Variants in CDH7 observed in about 807,000 individuals in gnomAD.
The protein encoded by CDH7 is cadherin-7.
CDH7 carries 25 observed loss-of-function variants against 71.8 expected under a neutral mutation model. The ratio of observed to expected loss-of-function variants is 0.35; its 90% CI spans 0.25 to 0.49. The LOEUF (loss-of-function observed/expected upper bound fraction) is 0.49, where lower values mean the gene tolerates loss of function less well. CDH7 is among the 20% of genes least tolerant of loss of function. The probability of loss-of-function intolerance (pLI) is 0.99; values close to 1 mark genes in which losing one functional copy is unlikely to be tolerated. For missense variants in CDH7, 862 were observed against 974.6 expected (o/e 0.88, Z 1.54); for synonymous variants, 381 against 363.8 (o/e 1.05, Z -0.54).
At chr18:65,829,779 T>TGTGTGG (rs1912271814) in intron 6 of CDH7, among the ~76,000 whole-genome samples, 1 of 124,778 alleles carries the variant, frequency 8.0e-6, no homozygotes, top group Non-Finnish European at 1.8e-5. Context: ...GAAGGGAGTG[T>TGTGTGG]GTGTGTGTGT....
chr18:65,802,135 T>A (rs1911145481), intron 2 of CDH7, among the ~76,000 whole-genome samples: 1 of 152,202 alleles, frequency 6.6e-6, no homozygotes, highest in South Asian at 2.1e-4. Flanking sequence ...AGAGTTTTCA[T>A]GTAGGGTTTT....
At chr18:65,855,019 G>A (rs1913302340) in intron 7 of CDH7, among the ~76,000 whole-genome samples, 1 of 151,322 alleles carries the variant, frequency 6.6e-6, no homozygotes, top group Non-Finnish European at 1.5e-5. Flanking sequence ...TGTATCTCAC[G>A]GTAAATGCAG....
intron 11 of CDH7, among the ~76,000 whole-genome samples, chr18:65,871,904 T>C (rs979480276): frequency 2.3e-4 from 35 of 152,160 alleles, no homozygotes; most frequent in African/African-American, 8.4e-4. Context: ...GAGATTTAGA[T>C]GTCAGAGACA....
chr18:65,806,063 A>G (rs1039092458), intron 2 of CDH7, among the ~76,000 whole-genome samples: 3 of 152,208 alleles, frequency 2.0e-5, no homozygotes, highest in African/African-American at 7.2e-5. Context: ...ATGGAACATT[A>G]ATAGATTATT....
Position 65,882,331 on chromosome 18 carries a change from T to G in CDH7, c.*1437T>G, listed in dbSNP as rs1012012718. On this transcript the variant is annotated 3_prime_UTR_variant, in exon 12 of 12. Coordinates refer to ENST00000397968, the MANE Select transcript of CDH7 (RefSeq NM_004361.5). ...CCTATTATTTTTCCTAGATTAATACTAGTTTAATGTGCATATACATTCAAG... is the reference window on the plus strand; with the variant it reads ...CCTATTATTTTTCCTAGATTAATACGAGTTTAATGTGCATATACATTCAAG... The G allele has an allele frequency of 2.6e-5, 4 of 152,138 alleles. No individual in the cohort carries two copies. The highest frequency in any genetic ancestry group is 7.2e-5 in the African/African-American group (3 of 41,454). 9.4% of individuals were successfully genotyped at this position (152,138 alleles called of 1,614,324 possible).
intron 11 of CDH7, among the ~76,000 whole-genome samples, chr18:65,868,858 G>T (rs1913843177): frequency 1.3e-5 from 2 of 151,978 alleles, no homozygotes; most frequent in South Asian, 4.1e-4. Context: ...TACTTGTTTT[G>T]GGAAAAGAAA....
chr18:65,867,888 C>G (rs1913813108), intron 11 of CDH7, among the ~76,000 whole-genome samples: 1 of 152,212 alleles, frequency 6.6e-6, no homozygotes, highest in African/African-American at 2.4e-5. Context: ...TCCAGTATGT[C>G]TATGATGGTC....
At chr18:65,836,783 T>C (rs1912546732) in intron 6 of CDH7, among the ~76,000 whole-genome samples, 1 of 152,328 alleles carries the variant, frequency 6.6e-6, no homozygotes, top group East Asian at 1.9e-4. Flanking sequence ...ACACTTATTT[T>C]ACTGTTTTTC....
chr18:65,842,582 T>C (rs1912774078), intron 6 of CDH7, among the ~76,000 whole-genome samples: 1 of 151,884 alleles, frequency 6.6e-6, no homozygotes. Context: ...GTATGGGATA[T>C]ATTATATACA....
Position 65,858,925 on chromosome 18 carries a change from A to G in CDH7, c.1373A>G (p.Gln458Arg). ...GATAAGACACTGTCTTATTTATTAGAGAATCCATCTCAAGTAGGAAGAGGC... is the reference window on the plus strand; with the variant it reads ...GATAAGACACTGTCTTATTTATTAGGGAATCCATCTCAAGTAGGAAGAGGC... ...HNITVLAMES[Q>R]NPSQVGRGYV... is the part of the protein sequence containing the mutation. The change falls in exon 9 of 12, where the codon CAG (glutamine) becomes CGG (arginine). Residue 458 changes from glutamine (Q) to arginine (R), a missense_variant and splice_region_variant. By Grantham distance (43) the Gln-to-Arg change is conservative. Transcript: ENST00000397968. The G allele has an allele frequency of 6.2e-7, 1 of 1,611,556 alleles. No homozygotes were observed. Among genetic ancestry groups the G allele is most frequent in the Non-Finnish European group, 8.5e-7 (1 of 1,177,866 alleles).
In CDH7 at chr18:65,809,829, T is replaced by A. The variant is rs1911460997; in HGVS notation, c.336T>A (p.Arg112=). 1.9e-6 allele frequency: 3 copies of A among 1,612,724 alleles called. No homozygotes were observed. Among genetic ancestry groups the A allele is most frequent in the Non-Finnish European group, 1.7e-6 (2 of 1,179,494 alleles). The change falls in exon 3 of 12, where the codon CGT becomes CGA. Residue 112 remains arginine, a synonymous_variant. Transcript: ENST00000397968. ...GDIHATKRLD[R]EEQAYYTLRA... is the part of the protein sequence containing the mutation. ...TTCATGCCACCAAGAGACTGGATCG[T>A]GAGGAGCAGGCCTACTACACGCTCC...
chr18:65,799,960 C>T (rs1285447993), intron 2 of CDH7, among the ~76,000 whole-genome samples: 2 of 152,200 alleles, frequency 1.3e-5, no homozygotes, highest in Non-Finnish European at 2.9e-5. Context: ...ATATACACTG[C>T]ATACTTCTTC....
chr18:65,776,802 G>A (rs1909964496), intron 2 of CDH7, among the ~76,000 whole-genome samples: 1 of 152,120 alleles, frequency 6.6e-6, no homozygotes, highest in South Asian at 2.1e-4. Flanking sequence ...ACAAGTGGTA[G>A]CATTTAAATA....
At chr18:65,832,089 TA>T (rs1244756137) in intron 6 of CDH7, among the ~76,000 whole-genome samples, 4 of 152,188 alleles carry the variant, frequency 2.6e-5, no homozygotes, top group Middle Eastern at 3.2e-3. Flanking sequence ...TCCATCTGGA[TA>T]GAGTCATTTC....
At chr18:65,793,436 G>T (rs1214266892) in intron 2 of CDH7, among the ~76,000 whole-genome samples, 1 of 150,512 alleles carries the variant, frequency 6.6e-6, no homozygotes, top group African/African-American at 2.5e-5. Flanking sequence ...AAAAAAAAGA[G>T]AGGGAGAGAG....
chr18:65,758,293 G>T (rs1916089505), intron 1 of CDH7, among the ~76,000 whole-genome samples: 1 of 152,154 alleles, frequency 6.6e-6, no homozygotes, highest in African/African-American at 2.4e-5. Flanking sequence ...AATGAAACCA[G>T]TTGAACTGCT....
chr18:65,763,868 G>A (rs1235914382), intron 2 of CDH7, among the ~76,000 whole-genome samples: 1 of 151,936 alleles, frequency 6.6e-6, no homozygotes, highest in Non-Finnish European at 1.5e-5. Context: ...CCTTCTCTCT[G>A]CCATTTGGCA....
intron 2 of CDH7, among the ~76,000 whole-genome samples, chr18:65,768,843 C>T (rs1032042869): frequency 1.3e-5 from 2 of 152,078 alleles, no homozygotes; most frequent in Non-Finnish European, 2.9e-5. Context: ...GAAAGAAACA[C>T]TAGTTTGTAC....
chr18:65,802,503 C>G (rs1348249155), intron 2 of CDH7, among the ~76,000 whole-genome samples: 1 of 152,102 alleles, frequency 6.6e-6, no homozygotes, highest in Non-Finnish European at 1.5e-5. Flanking sequence ...CTCAACCAGC[C>G]CCATTTTAAA....
Sources: gnomAD v4.1 joint callset for allele counts (sites outside exome capture counted in the v4.1 genomes callset) on GRCh38, gnomAD v4.1.1 for gene constraint, MANE v1.5 for transcripts, NCBI Gene and HGNC (gene_info 2026-07-23, HGNC 2026-07-21) for gene names.